CAMK2D: variants seen among roughly 807,000 people sequenced by gnomAD.
The protein encoded by CAMK2D is calcium/calmodulin dependent protein kinase II delta, also known as calcium/calmodulin-dependent protein kinase type II subunit delta.
CAMK2D carries 37 observed loss-of-function variants against 84.0 expected under a neutral mutation model. That is an observed-to-expected ratio of 0.44 (90% CI 0.34 to 0.58). CAMK2D has a LOEUF of 0.58. Among genes scored for constraint, CAMK2D ranks in the 20% least tolerant of loss-of-function variants. The pLI is 0.02. For missense variants in CAMK2D, 448 were observed against 652.5 expected (o/e 0.69, Z 3.41); for synonymous variants, 202 against 212.5 (o/e 0.95, Z 0.43).
intron 16 of CAMK2D, among the ~76,000 whole-genome samples, chr4:113,475,660 T>C (rs1430330050): frequency 6.6e-6 from 1 of 152,262 alleles, no homozygotes; most frequent in Non-Finnish European, 1.5e-5. Context: ...GCATACTTCT[T>C]ATCTTATTTT....
chr4:113,559,624 T>A (rs2098688807), intron 4 of CAMK2D, among the ~76,000 whole-genome samples: 1 of 152,264 alleles, frequency 6.6e-6, no homozygotes, highest in South Asian at 2.1e-4. Flanking sequence ...ATGTAAGATT[T>A]CACTGTTAAT....
intron 2 of CAMK2D, among the ~76,000 whole-genome samples, chr4:113,669,777 C>T (rs2099272295): frequency 1.3e-5 from 2 of 152,028 alleles, no homozygotes; most frequent in African/African-American, 2.4e-5. Context: ...GAGGAGTAAA[C>T]CAGGAAGCAT....
intron 14 of CAMK2D, 39 bp downstream of exon 14, chr4:113,504,937 T>G (rs1329402132): frequency 1.7e-6 from 2 of 1,186,292 alleles, no homozygotes; most frequent in Non-Finnish European, 2.2e-6. Context: ...AAAAAAAATG[T>G]AAAGAACTTA....
chr4:113,606,310 A>T (rs2098976773), intron 4 of CAMK2D, among the ~76,000 whole-genome samples: 1 of 152,086 alleles, frequency 6.6e-6, no homozygotes, highest in African/African-American at 2.4e-5. Context: ...CTCTACTAAA[A>T]ATACAAAAAA....
Position 113,494,703 on chromosome 4 carries a change from G to T in CAMK2D, c.1135+5760C>A, listed in dbSNP as rs547105236. On this transcript the variant is annotated intron_variant, in intron 16 of 20. Transcript: ENST00000511664. ...CTTCCCGGCTGCTTTGTTTACCTAA[G>T]GAAGCCTGGGCAATGGCGGGCGCCC... 6.5e-3 allele frequency among the ~76,000 whole-genome samples: 990 copies of T among 152,088 alleles called. 9 individuals are homozygous for T. The highest frequency in any genetic ancestry group is 0.023 in the African/African-American group (944 of 41,344).
In CAMK2D at chr4:113,742,102, C is replaced by T. The variant is rs74831835; in HGVS notation, c.160+17218G>A. Reference sequence around the variant, plus strand: ...CATCTTAACTCTCTTCACCAACCTACCCCCTGAATCAAGAACTGTGCCTAC... The same window carrying T: ...CATCTTAACTCTCTTCACCAACCTATCCCCTGAATCAAGAACTGTGCCTAC... On this transcript the variant is annotated intron_variant, in intron 2 of 20. Transcript: ENST00000511664. Among the ~76,000 whole-genome samples the T allele has an allele frequency of 0.015, 2,234 of 152,238 alleles. 89 individuals carry two copies. The East Asian group carries it at 0.15, about 10-fold the overall frequency.
chr4:113,474,497 CCTTTTTT>C (rs2097581381), intron 16 of CAMK2D, among the ~76,000 whole-genome samples: 1 of 111,352 alleles, frequency 9.0e-6, no homozygotes, highest in Non-Finnish European at 1.8e-5. Flanking sequence ...TCCTTTTTGG[CCTTTTTT>C]TTTTTTTTTT....
intron 17 of CAMK2D, among the ~76,000 whole-genome samples, chr4:113,460,855 T>A (rs903424385): frequency 8.6e-5 from 13 of 151,930 alleles, no homozygotes; most frequent in African/African-American, 3.1e-4. Context: ...TGGGTTAATT[T>A]TTAAATTTTT....
intron 2 of CAMK2D, 72 bp downstream of exon 2, chr4:113,759,248 T>A: frequency 1.2e-6 from 1 of 866,764 alleles, no homozygotes; most frequent in Non-Finnish European, 1.9e-6. Context: ...ATGATATATT[T>A]ACATACAACA....
intron 3 of CAMK2D, among the ~76,000 whole-genome samples, chr4:113,619,586 C>T (rs1433077546): frequency 6.6e-6 from 1 of 152,192 alleles, no homozygotes; most frequent in Admixed American, 6.6e-5. Context: ...CAGGCAAGCT[C>T]CTGTCTCAGA....
Position 113,759,372 on chromosome 4 carries a change from A to T in CAMK2D, c.108T>A (p.Thr36=). The change falls in exon 2 of 21, where the codon ACT becomes ACA. Residue 36 remains threonine, a synonymous_variant. Coordinates refer to ENST00000511664, the MANE Select transcript of CAMK2D (RefSeq NM_001321571.2). ...TAATTTTGGCAGCATATTCTTGTCC[A>T]GTAGGAATTTTCATACATCTTCTCA... ...SVVRRCMKIP[T]GQEYAAKIIN... 6.2e-7 allele frequency: 1 copy of T among 1,608,502 alleles called. No homozygotes were observed. Among genetic ancestry groups the T allele is most frequent in the Non-Finnish European group, 8.5e-7 (1 of 1,176,870 alleles).
chr4:113,745,901 T>C (rs1182191324), intron 2 of CAMK2D, among the ~76,000 whole-genome samples: 2 of 152,154 alleles, frequency 1.3e-5, no homozygotes, highest in Admixed American at 1.3e-4. Context: ...TGATGTACCC[T>C]ACAAAACAGC....
Position 113,648,695 on chromosome 4 carries a change from G to A in CAMK2D, c.220+13018C>T, listed in dbSNP as rs190929791. 2.9e-3 allele frequency among the ~76,000 whole-genome samples: 441 copies of A among 152,248 alleles called. 2 individuals are homozygous for A. The highest frequency in any genetic ancestry group is 5.6e-3 in the Non-Finnish European group (382 of 68,010). ...ATGTTGCTTTTTCAGCAGATACTTT[G>A]AGCACCCAACTTGACTGCTCTTGAC... On this transcript the variant is annotated intron_variant, in intron 3 of 20. Transcript: ENST00000511664.
At chr4:113,477,300 C>G (rs749015426) in intron 16 of CAMK2D, among the ~76,000 whole-genome samples, 10 of 152,178 alleles carry the variant, frequency 6.6e-5, no homozygotes, top group Non-Finnish European at 1.2e-4. Context: ...TAAAAATATC[C>G]TATCATACCA....
chr4:113,649,249 C>T (rs1440693711), intron 3 of CAMK2D, among the ~76,000 whole-genome samples: 1 of 152,168 alleles, frequency 6.6e-6, no homozygotes, highest in African/African-American at 2.4e-5. Flanking sequence ...CATAATTATG[C>T]TTATTACTAC....
chr4:113,570,250 A>AT lies in CAMK2D; in HGVS notation c.276-18155dup, dbSNP rs200818699. On this transcript the variant is annotated intron_variant, in intron 4 of 20. Coordinates refer to ENST00000511664, the MANE Select transcript of CAMK2D (RefSeq NM_001321571.2). ...CAATCCCTACCAAAATTCTAACAGT[A>AT]TTTTTTTTCACAGAAATAGAAAAAA... 3.4e-4 allele frequency among the ~76,000 whole-genome samples: 52 copies of AT among 152,130 alleles called. No homozygotes were observed. In the East Asian group the frequency reaches 8.5e-3, roughly 25 times the overall value.
intron 2 of CAMK2D, among the ~76,000 whole-genome samples, chr4:113,695,356 T>G (rs958170107): frequency 7.2e-5 from 11 of 152,104 alleles, no homozygotes; most frequent in Non-Finnish European, 1.3e-4. Flanking sequence ...AAATTTGACC[T>G]CTCTACTCCT....
intron 4 of CAMK2D, among the ~76,000 whole-genome samples, chr4:113,582,055 T>C (rs749951360): frequency 2.6e-5 from 4 of 152,180 alleles, no homozygotes; most frequent in Non-Finnish European, 5.9e-5. Flanking sequence ...CAGCTCCTCA[T>C]AACTCTCACT....
chr4:113,640,349 C>T (rs17046326), intron 3 of CAMK2D, among the ~76,000 whole-genome samples: 19,052 of 151,850 alleles, frequency 0.13, 3,487 homozygotes, highest in African/African-American at 0.41. Flanking sequence ...GGGGAATTCA[C>T]GAAGGAGATT....
Sources: allele counts gnomAD v4.1 joint callset (sites outside exome capture counted in the v4.1 genomes callset), GRCh38; gene constraint gnomAD v4.1.1; transcripts MANE v1.5; gene names NCBI Gene and HGNC (gene_info 2026-07-23, HGNC 2026-07-21).